AGBL1: variants seen among roughly 807,000 people sequenced by gnomAD.
The protein encoded by AGBL1 is cytosolic carboxypeptidase 4.
In AGBL1, 130 loss-of-function variants were observed where a neutral mutation model predicts 118.9. The ratio of observed to expected loss-of-function variants is 1.09; its 90% CI spans 0.95 to 1.26. The LOEUF is 1.26. AGBL1 is among the 50% of genes most tolerant of loss of function. The pLI, the probability that AGBL1 is intolerant of heterozygous loss-of-function variation, is 0.00. For synonymous variants in AGBL1, 555 were observed against 478.9 expected, an observed-to-expected ratio of 1.16 and a Z score of -2.08; for missense variants, 1,584 against 1,298.1, an observed-to-expected ratio of 1.22 and a Z score of -3.38.
intron 21 of AGBL1, among the ~76,000 whole-genome samples, chr15:86,652,074 C>G (rs760716921): frequency 2.0e-5 from 3 of 152,176 alleles, no homozygotes; most frequent in African/African-American, 4.8e-5. Flanking sequence ...CTAACTTCAT[C>G]TATTCTTTCC....
chr15:86,518,360 T>C (rs2083147209), intron 18 of AGBL1, among the ~76,000 whole-genome samples: 1 of 152,154 alleles, frequency 6.6e-6, no homozygotes, highest in South Asian at 2.1e-4. Context: ...TTATTTTTCG[T>C]GGCATCATTG....
At chr15:86,861,603 G>T (rs2079559259) in intron 22 of AGBL1, among the ~76,000 whole-genome samples, 1 of 152,100 alleles carries the variant, frequency 6.6e-6, no homozygotes, top group Admixed American at 6.6e-5. Flanking sequence ...TTTTACAATT[G>T]CATAATGATG....
At chr15:86,565,871 G>T (rs1210632556) in intron 21 of AGBL1, among the ~76,000 whole-genome samples, 1 of 152,308 alleles carries the variant, frequency 6.6e-6, no homozygotes, top group East Asian at 1.9e-4. Flanking sequence ...CTTGCAGTTC[G>T]ATCTCAGACT....
chr15:86,176,545 C>T (rs565343911), intron 5 of AGBL1, among the ~76,000 whole-genome samples: 9 of 152,022 alleles, frequency 5.9e-5, no homozygotes, highest in East Asian at 3.9e-4. Flanking sequence ...TAGAACACCG[C>T]GTGGGCTAGA....
At chr15:86,444,174 G>A (rs568876148) in intron 18 of AGBL1, among the ~76,000 whole-genome samples, 1 of 152,112 alleles carries the variant, frequency 6.6e-6, no homozygotes, top group African/African-American at 2.4e-5. Flanking sequence ...ATATCTCACT[G>A]TTTTGATTTG....
intron 5 of AGBL1, among the ~76,000 whole-genome samples, chr15:86,186,043 T>C (rs1309110982): frequency 1.3e-5 from 2 of 152,164 alleles, no homozygotes; most frequent in Non-Finnish European, 2.9e-5. Context: ...CTAGATCTGG[T>C]TTATGGGTGT....
chr15:86,445,895 G>A (rs1340312323), intron 18 of AGBL1, among the ~76,000 whole-genome samples: 2 of 152,222 alleles, frequency 1.3e-5, no homozygotes, highest in Admixed American at 1.3e-4. Context: ...ATATGGGAAA[G>A]GCCCTGTTAG....
chr15:86,545,431 A>G (rs969692717), intron 19 of AGBL1, among the ~76,000 whole-genome samples: 2 of 152,128 alleles, frequency 1.3e-5, no homozygotes, highest in South Asian at 4.2e-4. Context: ...TCAGGGGTAC[A>G]AGTACAGATT....
At chr15:86,693,429 G>T (rs902644660) in intron 22 of AGBL1, among the ~76,000 whole-genome samples, 2 of 151,906 alleles carry the variant, frequency 1.3e-5, no homozygotes, top group African/African-American at 4.8e-5. Flanking sequence ...CATATCCTTA[G>T]CCCACTTTTT....
intron 22 of AGBL1, among the ~76,000 whole-genome samples, chr15:86,828,296 A>G (rs188605261): frequency 6.6e-6 from 1 of 152,170 alleles, no homozygotes; most frequent in East Asian, 1.9e-4. Flanking sequence ...GGCAGGCTGA[A>G]TAATAACCCC....
intron 20 of AGBL1, among the ~76,000 whole-genome samples, chr15:86,547,667 G>T (rs938262020): frequency 6.6e-6 from 1 of 152,148 alleles, no homozygotes; most frequent in Non-Finnish European, 1.5e-5. Context: ...AATAAGGACA[G>T]TGGTATTTAA....
At chr15:86,340,097 A>T (rs2080438305) in intron 17 of AGBL1, among the ~76,000 whole-genome samples, 1 of 152,142 alleles carries the variant, frequency 6.6e-6, no homozygotes, top group South Asian at 2.1e-4. Context: ...TAATTCTGAC[A>T]TCTCTGTCTT....
intron 18 of AGBL1, among the ~76,000 whole-genome samples, chr15:86,494,530 C>G (rs906923251): frequency 3.3e-5 from 5 of 152,028 alleles, no homozygotes; most frequent in African/African-American, 1.2e-4. Flanking sequence ...TGTCTCCAGT[C>G]TGGGTTGAGG....
intron 22 of AGBL1, among the ~76,000 whole-genome samples, chr15:86,796,983 T>C (rs986961867): frequency 1.3e-5 from 2 of 152,208 alleles, no homozygotes; most frequent in Non-Finnish European, 1.5e-5. Context: ...GTACAGAACA[T>C]GGACTCTGAA....
At position 86,082,686 on chromosome 15, in the gene AGBL1, G is replaced by A. The variant is rs552365894; in HGVS notation, c.51+2663G>A. 4.6e-5 allele frequency among the ~76,000 whole-genome samples: 7 copies of A among 152,324 alleles called. 1 individual carries two copies. In the South Asian group the frequency reaches 1.4e-3, roughly 32 times the overall value. On this transcript the variant is annotated intron_variant, in intron 1 of 22. Transcript: ENST00000614907. Reference sequence around the variant, plus strand: ...ACTTTTTCCTGCACACATGAGGAAGGGGTAAGTGGTTTTCCCTACCACAAC... The same window carrying A: ...ACTTTTTCCTGCACACATGAGGAAGAGGTAAGTGGTTTTCCCTACCACAAC...
chr15:86,761,541 AT>A (rs1460038173), intron 22 of AGBL1, among the ~76,000 whole-genome samples: 11 of 152,024 alleles, frequency 7.2e-5, no homozygotes, highest in African/African-American at 2.7e-4. Context: ...TCTGTGGTAA[AT>A]TTGCTTCCAT....
chr15:86,864,679 T>C (rs2079601105), intron 22 of AGBL1, among the ~76,000 whole-genome samples: 2 of 152,182 alleles, frequency 1.3e-5, no homozygotes. Flanking sequence ...ATGAATGTTT[T>C]ATAGCAGGAA....
Position 86,743,837 on chromosome 15 carries a change from C to T in AGBL1, c.3158+69401C>T, listed in dbSNP as rs192728213. On this transcript the variant is annotated intron_variant, in intron 22 of 22. Transcript: ENST00000614907. ...TTCTAGCTTTAACTACCTAATATGG[C>T]CTTTCCAGTGTATCTGATCACACAC... is the stretch of plus-strand genomic sequence containing the variant. Among the ~76,000 whole-genome samples the T allele has an allele frequency of 1.9e-4, 29 of 152,024 alleles. No homozygotes were observed. The East Asian group carries it at 5.6e-3, about 29-fold the overall frequency.
intron 5 of AGBL1, among the ~76,000 whole-genome samples, chr15:86,205,960 TA>T (rs2077985146): frequency 6.6e-6 from 1 of 152,200 alleles, no homozygotes; most frequent in Non-Finnish European, 1.5e-5. Flanking sequence ...GTATTTCTCC[TA>T]ATGCTATCCC....
Sources: gnomAD v4.1 joint callset for allele counts (sites outside exome capture counted in the v4.1 genomes callset) on GRCh38, gnomAD v4.1.1 for gene constraint, MANE v1.5 for transcripts, NCBI Gene and HGNC (gene_info 2026-07-23, HGNC 2026-07-21) for gene names.